The following RASA2 variants were observed in gnomAD, a reference collection of about 807,000 sequenced individuals.
RASA2 encodes ras GTPase-activating protein 2.
Under a neutral mutation model 118.2 loss-of-function variants are expected in RASA2, and 155 were observed. The observed-to-expected ratio is 1.31, with a 90% CI of 1.15 to 1.50. The LOEUF is 1.50. RASA2 is among the 40% of genes most tolerant of loss of function. The pLI, the probability that RASA2 is intolerant of heterozygous loss-of-function variation, is 0.00. For missense variants in RASA2, 1,016 were observed against 1,009.6 expected (o/e 1.01, Z -0.09); for synonymous variants, 353 against 349.1 (o/e 1.01, Z -0.12).
chr3:141,528,840 G>A (rs1337499798), intron 3 of RASA2, among the ~76,000 whole-genome samples: 2 of 151,868 alleles, frequency 1.3e-5, no homozygotes, highest in Non-Finnish European at 2.9e-5. Context: ...GTAGAATTAG[G>A]GCGTATAAAA....
intron 1 of RASA2, among the ~76,000 whole-genome samples, chr3:141,504,315 A>C (rs1257004703): frequency 6.6e-6 from 1 of 152,106 alleles, no homozygotes; most frequent in African/African-American, 2.4e-5. Context: ...TTTTTTCTCT[A>C]TCTAGGACCC....
At chr3:141,538,020 A>G (rs2082352738) in intron 4 of RASA2, among the ~76,000 whole-genome samples, 1 of 152,052 alleles carries the variant, frequency 6.6e-6, no homozygotes, top group Non-Finnish European at 1.5e-5. Context: ...CCAGAACTAC[A>G]TCATATGGCT....
chr3:141,518,355 C>T (rs1306178290), intron 3 of RASA2, among the ~76,000 whole-genome samples: 4 of 151,192 alleles, frequency 2.6e-5, no homozygotes, highest in Non-Finnish European at 5.9e-5. Flanking sequence ...CGGCGGTGCG[C>T]ACCTGTAGTC....
At chr3:141,587,000 A>C in intron 19 of RASA2, 2 of 477,070 alleles carry the variant, frequency 4.2e-6, no homozygotes, top group Non-Finnish European at 3.8e-6. Flanking sequence ...TTTTCTAAAA[A>C]TCCATAGTAA....
intron 1 of RASA2, among the ~76,000 whole-genome samples, chr3:141,504,438 C>T (rs1275153849): frequency 6.6e-6 from 1 of 152,156 alleles, no homozygotes; most frequent in Non-Finnish European, 1.5e-5. Flanking sequence ...CTAGAAATAG[C>T]ATCTCTATTC....
Position 141,580,393 on chromosome 3 carries a change from C to T in RASA2, c.1616C>T (p.Thr539Ile). The T allele has an allele frequency of 6.2e-7, 1 of 1,606,266 alleles. No individual in the cohort carries two copies. The highest frequency in any genetic ancestry group is 8.5e-7 in the Non-Finnish European group (1 of 1,175,052). Residue 539 changes from threonine to isoleucine, a missense_variant, in exon 16 of 24, where the codon ACT (threonine) becomes ATT (isoleucine). Transcript: ENST00000286364. ...GATGCACAGACAATTAGAACATTAA[C>T]TCTCATCTCAAAAACTATACAAACT... is the stretch of plus-strand genomic sequence containing the variant. ...HPDAQTIRTLTLISKTIQTLG... is the reference protein window; with the variant it reads ...HPDAQTIRTLILISKTIQTLG...
chr3:141,506,666 A>G (rs1387784636), intron 1 of RASA2, among the ~76,000 whole-genome samples: 1 of 152,154 alleles, frequency 6.6e-6, no homozygotes, highest in African/African-American at 2.4e-5. Context: ...TAATCCCAGC[A>G]CTTTGGGAGG....
At chr3:141,580,581 C>A in intron 16 of RASA2, 130 bp downstream of exon 16, 1 of 602,478 alleles carries the variant, frequency 1.7e-6, no homozygotes, top group Non-Finnish European at 2.8e-6. Context: ...CACACACAGA[C>A]ACAATAGCTG....
At position 141,573,213 on chromosome 3, in the gene RASA2, A is replaced by G; in HGVS notation, c.1351A>G (p.Asn451Asp). ...ATTGAAAGAGGGAGATAATGTAGAA[A>G]ATAATAAGGTAAGTCCTTGTTATAT... ...IKLKEGDNVE[N>D]NKENLRYYVD... The change falls in exon 13 of 24, where the codon AAT becomes GAT. Residue 451 changes from asparagine (N) to aspartate (D), a missense_variant. Asn to Asp is a conservative substitution (Grantham distance 23). Coordinates refer to ENST00000286364, the MANE Select transcript of RASA2 (RefSeq NM_006506.5). 2 of 1,543,016 alleles carry G rather than the reference A, an allele frequency of 1.3e-6. No homozygotes were observed. The highest frequency in any genetic ancestry group is 1.7e-6 in the Non-Finnish European group (2 of 1,154,956).
At position 141,553,916 on chromosome 3, in the gene RASA2, C is replaced by T. The variant is rs763205866; in HGVS notation, c.587C>T (p.Thr196Ile). Residue 196 changes from threonine to isoleucine, a missense_variant, in exon 6 of 24, where the codon ACA becomes ATA. By Grantham distance (89) the Thr-to-Ile change is moderately conservative. Transcript: ENST00000286364. ...INGQSCDPYA[T>I]VSLVGPSRND... ...GGCCAAAGCTGTGACCCTTATGCAA[C>T]AGTTTCTCTAGTGGGCCCTTCTAGG... is the stretch of plus-strand genomic sequence containing the variant. The T allele has an allele frequency of 8.1e-6, 13 of 1,612,254 alleles. No homozygotes were observed.
At chr3:141,605,767 T>A (rs2083538286) in intron 19 of RASA2, among the ~76,000 whole-genome samples, 1 of 152,166 alleles carries the variant, frequency 6.6e-6, no homozygotes, top group South Asian at 2.1e-4. Flanking sequence ...TTTTTTTTTT[T>A]TTGGTGTTTT....
chr3:141,534,665 A>G (rs2082303982), intron 4 of RASA2, among the ~76,000 whole-genome samples: 1 of 152,146 alleles, frequency 6.6e-6, no homozygotes, highest in Non-Finnish European at 1.5e-5. Context: ...ATTATAGCTA[A>G]TAATAAATAC....
chr3:141,601,090 G>A (rs1464641495), intron 19 of RASA2, among the ~76,000 whole-genome samples: 1 of 152,098 alleles, frequency 6.6e-6, no homozygotes, highest in Non-Finnish European at 1.5e-5. Flanking sequence ...TAAACATGGA[G>A]GGGAAATGAA....
intron 1 of RASA2, among the ~76,000 whole-genome samples, chr3:141,501,835 G>A (rs1401825359): frequency 1.3e-5 from 2 of 151,896 alleles, no homozygotes; most frequent in Non-Finnish European, 2.9e-5. Flanking sequence ...TTTTAAATGT[G>A]CATTAGATTC....
chr3:141,559,450 A>G (rs1383531086), intron 8 of RASA2, among the ~76,000 whole-genome samples: 1 of 152,072 alleles, frequency 6.6e-6, no homozygotes, highest in Non-Finnish European at 1.5e-5. Flanking sequence ...TTATAAATGC[A>G]TGTGTAGGTG....
At chr3:141,598,252 T>C (rs6804635) in intron 19 of RASA2, among the ~76,000 whole-genome samples, 4,079 of 152,258 alleles carry the variant, frequency 0.027, 194 homozygotes, top group African/African-American at 0.094. Flanking sequence ...AAAATACATA[T>C]AATGAATTAA....
chr3:141,569,411 G>T (rs2082877452), intron 9 of RASA2, among the ~76,000 whole-genome samples: 1 of 152,044 alleles, frequency 6.6e-6, no homozygotes, highest in Non-Finnish European at 1.5e-5. Context: ...GACCAAATTA[G>T]TTGAGTTCAA....
intron 5 of RASA2, among the ~76,000 whole-genome samples, chr3:141,544,191 A>G (rs1276924610): frequency 1.3e-5 from 2 of 151,808 alleles, no homozygotes; most frequent in East Asian, 1.9e-4. Context: ...TTAGATTTCT[A>G]TATGTTTTAG....
intron 8 of RASA2, among the ~76,000 whole-genome samples, chr3:141,559,483 T>C (rs2082698534): frequency 6.6e-6 from 1 of 152,090 alleles, no homozygotes; most frequent in East Asian, 1.9e-4. Flanking sequence ...TGTGTTCATC[T>C]AGATGGTATA....
Sources: allele counts gnomAD v4.1 joint callset (sites outside exome capture counted in the v4.1 genomes callset), GRCh38; gene constraint gnomAD v4.1.1; transcripts MANE v1.5; gene names NCBI Gene and HGNC (gene_info 2026-07-23, HGNC 2026-07-21).